SUPT3H: variants seen among roughly 807,000 people sequenced by gnomAD.
SUPT3H encodes SPT3 homolog, SAGA and STAGA complex component.
Under a neutral mutation model 44.3 loss-of-function variants are expected in SUPT3H, and 44 were observed. The observed-to-expected ratio is 0.99, with a 90% CI of 0.78 to 1.28. The LOEUF is 1.28. SUPT3H is among the 50% of genes most tolerant of loss of function. The pLI, the probability that SUPT3H is intolerant of heterozygous loss-of-function variation, is 0.00. For synonymous variants in SUPT3H, 124 were observed against 125.6 expected (o/e 0.99, Z 0.09); for missense variants, 380 against 387.1 (o/e 0.98, Z 0.15).
At chr6:45,117,602 A>G (rs1228995971) in intron 2 of SUPT3H, among the ~76,000 whole-genome samples, 1 of 152,052 alleles carries the variant, frequency 6.6e-6, no homozygotes, top group African/African-American at 2.4e-5. Context: ...TTCTAGAAAA[A>G]CCACCTGGCA....
intron 10 of SUPT3H, among the ~76,000 whole-genome samples, chr6:44,836,269 A>G (rs1223733675): frequency 1.3e-5 from 2 of 152,188 alleles, no homozygotes; most frequent in Non-Finnish European, 2.9e-5. Context: ...CTGATATTTC[A>G]GAGGACCTAA....
intron 6 of SUPT3H, among the ~76,000 whole-genome samples, chr6:44,995,616 T>C (rs910869842): frequency 6.6e-6 from 1 of 152,090 alleles, no homozygotes; most frequent in African/African-American, 2.4e-5. Flanking sequence ...TTTACTTGTA[T>C]TTACATGCAT....
chr6:44,892,966 C>A (rs1484060967), intron 10 of SUPT3H, among the ~76,000 whole-genome samples: 1 of 152,070 alleles, frequency 6.6e-6, no homozygotes, highest in African/African-American at 2.4e-5. Context: ...CACAAACCAA[C>A]TATCCAAGCA....
At chr6:44,883,096 GTC>G (rs1256208447) in intron 10 of SUPT3H, among the ~76,000 whole-genome samples, 1 of 152,164 alleles carries the variant, frequency 6.6e-6, no homozygotes, top group Non-Finnish European at 1.5e-5. Flanking sequence ...AAGTCAAATT[GTC>G]TCTGTTTGCA....
intron 6 of SUPT3H, among the ~76,000 whole-genome samples, chr6:44,975,474 T>A (rs1382249325): frequency 6.6e-6 from 1 of 152,014 alleles, no homozygotes; most frequent in African/African-American, 2.4e-5. Context: ...GTGAATTATC[T>A]CAGGAATGAA....
At chr6:45,106,288 C>T (rs1048253616) in intron 2 of SUPT3H, among the ~76,000 whole-genome samples, 9 of 152,106 alleles carry the variant, frequency 5.9e-5, no homozygotes, top group East Asian at 1.9e-4. Flanking sequence ...AAAAATTAGC[C>T]GGAAGCAGTG....
At chr6:45,344,216 G>A (rs1216924455) in intron 2 of SUPT3H, among the ~76,000 whole-genome samples, 2 of 152,160 alleles carry the variant, frequency 1.3e-5, no homozygotes, top group East Asian at 3.8e-4. Flanking sequence ...GTTCCTAGAA[G>A]TTTAGCTCCT....
downstream of SUPT3H, among the ~76,000 whole-genome samples, chr6:44,822,601 C>T (rs571730050): frequency 6.6e-6 from 1 of 152,128 alleles, no homozygotes; most frequent in African/African-American, 2.4e-5. Flanking sequence ...GGTCCTTAAC[C>T]CCTTCACACA....
intron 10 of SUPT3H, among the ~76,000 whole-genome samples, chr6:44,890,175 T>C (rs1223244315): frequency 6.7e-6 from 1 of 149,770 alleles, no homozygotes; most frequent in African/African-American, 2.4e-5. Flanking sequence ...TGTAAACTGG[T>C]TCAACCATTG....
chr6:44,814,703 G>A (rs1766788829), intron 11 of SUPT3H, among the ~76,000 whole-genome samples: 1 of 151,874 alleles, frequency 6.6e-6, no homozygotes, highest in African/African-American at 2.4e-5. Context: ...TTTAGACAGA[G>A]TCTCATTTTG....
At chr6:45,029,258 A>G (rs1238907600) in intron 3 of SUPT3H, among the ~76,000 whole-genome samples, 1 of 151,674 alleles carries the variant, frequency 6.6e-6, no homozygotes, top group African/African-American at 2.4e-5. Flanking sequence ...TTTAAAAAAT[A>G]TATAAGGCTA....
chr6:44,985,613 A>G (rs1779689707), intron 6 of SUPT3H, among the ~76,000 whole-genome samples: 1 of 152,164 alleles, frequency 6.6e-6, no homozygotes, highest in South Asian at 2.1e-4. Flanking sequence ...GGACATATTT[A>G]AGAAAATTTT....
At chr6:44,939,951 T>C (rs985027218) in intron 9 of SUPT3H, among the ~76,000 whole-genome samples, 12 of 152,054 alleles carry the variant, frequency 7.9e-5, no homozygotes, top group Admixed American at 7.2e-4. Flanking sequence ...TCTTCCTAGT[T>C]AGTCTTGCTA....
intron 2 of SUPT3H, among the ~76,000 whole-genome samples, chr6:45,244,347 A>G (rs1443890109): frequency 6.6e-6 from 1 of 152,238 alleles, no homozygotes; most frequent in Non-Finnish European, 1.5e-5. Flanking sequence ...ATATAAAGAT[A>G]AAACCTATTA....
intron 1 of SUPT3H, among the ~76,000 whole-genome samples, chr6:45,366,094 T>G (rs1795089661): frequency 6.6e-6 from 1 of 152,190 alleles, no homozygotes; most frequent in Non-Finnish European, 1.5e-5. Flanking sequence ...ATTACACTAT[T>G]ATACTGGAAG....
At position 45,040,774 on chromosome 6, in the gene SUPT3H, T is replaced by C. The variant is rs1788409213; in HGVS notation, c.187-20142A>G. Among the ~76,000 whole-genome samples, 3 of 152,226 alleles carry C rather than the reference T, an allele frequency of 2.0e-5. No individual in the cohort carries two copies. The South Asian group carries it at 6.2e-4, about 31-fold the overall frequency. On this transcript the variant is annotated intron_variant, in intron 3 of 10. Coordinates refer to ENST00000371459, the MANE Select transcript of SUPT3H (RefSeq NM_003599.4). The stretch of plus-strand genomic sequence containing the variant: ...AATTAATTAAATATATTGAGGTTGA[T>C]ACGGAAATTCAGACAACAAACCCAC...
chr6:45,003,110 T>A (rs1211239924), intron 6 of SUPT3H, among the ~76,000 whole-genome samples: 1 of 152,182 alleles, frequency 6.6e-6, no homozygotes, highest in Non-Finnish European at 1.5e-5. Context: ...AGACATATAA[T>A]TTTCAAATGC....
At position 44,995,058 on chromosome 6, in the gene SUPT3H, T is replaced by C. The variant is rs1483842181; in HGVS notation, c.504+8595A>G. Among the ~76,000 whole-genome samples, 6 of 152,180 alleles carry C rather than the reference T, an allele frequency of 3.9e-5. No individual in the cohort carries two copies. The East Asian group carries it at 9.7e-4, about 24-fold the overall frequency. On this transcript the variant is annotated intron_variant, in intron 6 of 10. Coordinates refer to ENST00000371459, the MANE Select transcript of SUPT3H (RefSeq NM_003599.4). ...TATGTAGGGTTATAGTCCCCTACTCTTCAATTATATGATGTAATATTATAC... is the reference window on the plus strand; with the variant it reads ...TATGTAGGGTTATAGTCCCCTACTCCTCAATTATATGATGTAATATTATAC...
intron 2 of SUPT3H, among the ~76,000 whole-genome samples, chr6:45,194,085 C>A (rs1362015739): frequency 2.0e-5 from 3 of 152,068 alleles, no homozygotes; most frequent in Non-Finnish European, 4.4e-5. Context: ...TATTAGCAGG[C>A]CTTTACACGG....
Sources: allele counts gnomAD v4.1 joint callset (sites outside exome capture counted in the v4.1 genomes callset), GRCh38; gene constraint gnomAD v4.1.1; transcripts MANE v1.5; gene names NCBI Gene and HGNC (gene_info 2026-07-23, HGNC 2026-07-21).